RAF1: variants seen among roughly 807,000 people sequenced by gnomAD.
RAF1 encodes the protein Raf-1 proto-oncogene, serine/threonine kinase.
A neutral mutation model predicts 81.1 loss-of-function variants in RAF1; 27 were observed. That is an observed-to-expected ratio of 0.33 (90% CI 0.25 to 0.46). The LOEUF is 0.46. Ranked by LOEUF, RAF1 falls within the 20% of genes least tolerant of loss-of-function variation. The probability of loss-of-function intolerance (pLI) is 1.00; values close to 1 mark genes in which losing one functional copy is unlikely to be tolerated. For synonymous variants in RAF1, 298 were observed against 294.0 expected, an observed-to-expected ratio of 1.01 and a Z score of -0.14; for missense variants, 598 against 826.0, an observed-to-expected ratio of 0.72 and a Z score of 3.38.
At chr3:12,615,090 T>A (rs990240100) in intron 2 of RAF1, among the ~76,000 whole-genome samples, 8 of 152,224 alleles carry the variant, frequency 5.3e-5, no homozygotes, top group Non-Finnish European at 8.8e-5. Context: ...TCCATCTACC[T>A]GTCCAACACA....
At chr3:12,590,718 A>C in intron 13 of RAF1, 80 bp downstream of exon 12, 5 of 1,456,168 alleles carry the variant, frequency 3.4e-6, no homozygotes, top group African/African-American at 2.8e-5. Flanking sequence ...ATGGACTAGA[A>C]GGCTTTTCCT....
At chr3:12,600,073 A>C in intron 10 of RAF1, 79 bp downstream of exon 9, 1 of 1,574,160 alleles carries the variant, frequency 6.4e-7, no homozygotes, top group Non-Finnish European at 8.7e-7. Context: ...CTCCCAAAAT[A>C]AGTTTAAGTA....
chr3:12,587,837 CTTT>C lies in RAF1; in HGVS notation c.1431-203_1431-201del, dbSNP rs374515740. ...GGCCACAGCACAAACATGCTTACAC[CTTT>C]TTTTTTTTTTTTTTGGAGACTGGAG... is the stretch of plus-strand genomic sequence containing the variant. On this transcript the variant is annotated intron_variant, in intron 13 of 17. Transcript: ENST00000442415. The C allele has an allele frequency of 0.021, 4,090 of 193,598 alleles. 93 individuals carry two copies. The highest frequency in any genetic ancestry group is 0.062 in the African/African-American group (1,926 of 31,282). The allele number at this position is 193,598 out of a possible 1,614,324, so 12.0% of individuals were successfully genotyped here. A position where few individuals can be genotyped will look rare whatever the true frequency, so the allele number is the denominator to read the frequency against.
chr3:12,606,866 T>C (rs1219835949), intron 5 of RAF1, among the ~76,000 whole-genome samples: 6 of 152,158 alleles, frequency 3.9e-5, no homozygotes, highest in African/African-American at 1.4e-4. Flanking sequence ...AATTTTTGTA[T>C]TTTTAGCAGA....
intron 3 of RAF1, 54 bp from the exon 4 acceptor site, chr3:12,609,389 A>G (rs765859822): frequency 1.2e-5 from 14 of 1,195,216 alleles, no homozygotes; most frequent in Non-Finnish European, 1.8e-5. Flanking sequence ...AAAGTTCAAT[A>G]GAAATAACAA....
At chr3:12,591,411 G>A (rs2058511189) in intron 12 of RAF1, among the ~76,000 whole-genome samples, 1 of 152,156 alleles carries the variant, frequency 6.6e-6, no homozygotes, top group South Asian at 2.1e-4. Flanking sequence ...GGTAAAAATA[G>A]GGCCTATTTC....
chr3:12,593,998 G>A (rs1559412181), intron 11 of RAF1, among the ~76,000 whole-genome samples: 1 of 152,016 alleles, frequency 6.6e-6, no homozygotes, highest in Non-Finnish European at 1.5e-5. Flanking sequence ...TAGTAAATAG[G>A]ACAGAGAATG....
intron 1 of RAF1, among the ~76,000 whole-genome samples, chr3:12,637,645 G>C (rs2060070123): frequency 6.6e-6 from 1 of 151,826 alleles, no homozygotes; most frequent in Non-Finnish European, 1.5e-5. Context: ...TGAGGTCAGG[G>C]AGTTCGAGAC....
At chr3:12,597,060 G>A (rs1417281426) in intron 11 of RAF1, among the ~76,000 whole-genome samples, 2 of 151,910 alleles carry the variant, frequency 1.3e-5, no homozygotes, top group Non-Finnish European at 2.9e-5. Flanking sequence ...CCCCACGCCC[G>A]GCTAATTTGT....
chr3:12,649,945 G>A (rs1486683249), intron 1 of RAF1, among the ~76,000 whole-genome samples: 2 of 151,920 alleles, frequency 1.3e-5, no homozygotes, highest in African/African-American at 2.4e-5. Flanking sequence ...AGGAGTTCGC[G>A]ACCAGTCTGG....
intron 1 of RAF1, among the ~76,000 whole-genome samples, chr3:12,654,640 C>T (rs1265991571): frequency 3.4e-5 from 5 of 148,662 alleles, no homozygotes; most frequent in African/African-American, 4.9e-5. Context: ...AAAGTAACTA[C>T]AACTGTGTGT....
rs887620240 is a variant in RAF1 at position 12,584,109 on chromosome 3, C to A, written c.*405G>T. 3.0e-6 allele frequency: 1 copy of A among 328,602 alleles called. No homozygotes were observed. Among genetic ancestry groups the A allele is most frequent in the Non-Finnish European group, 5.8e-6 (1 of 173,272 alleles). The allele number at this position is 328,602 out of a possible 1,614,324, so 20.4% of individuals were successfully genotyped here. On this transcript the variant is annotated 3_prime_UTR_variant, in exon 18 of 18. Transcript: ENST00000442415. Reference sequence around the variant, plus strand: ...AGTCCCGCCTGTGACATGCATTCCTCCAGAAGCTGATTTCCAAAATCCCAT... The same window carrying A: ...AGTCCCGCCTGTGACATGCATTCCTACAGAAGCTGATTTCCAAAATCCCAT...
intron 1 of RAF1, among the ~76,000 whole-genome samples, chr3:12,640,667 C>T (rs940082020): frequency 1.3e-5 from 2 of 152,154 alleles, no homozygotes; most frequent in Admixed American, 6.5e-5. Flanking sequence ...CAATGACATA[C>T]CATCTCACAC....
chr3:12,661,714 AAAC>A (rs776100752), intron 1 of RAF1, among the ~76,000 whole-genome samples: 10 of 152,106 alleles, frequency 6.6e-5, no homozygotes, highest in Non-Finnish European at 1.2e-4. Flanking sequence ...AAAAAATAAA[AAAC>A]AATAGAATAA....
chr3:12,628,013 G>A (rs528189948), intron 1 of RAF1, among the ~76,000 whole-genome samples: 6 of 152,300 alleles, frequency 3.9e-5, no homozygotes, highest in South Asian at 2.1e-4. Context: ...CCAGCTACTC[G>A]GGAGGCTGAG....
intron 1 of RAF1, among the ~76,000 whole-genome samples, chr3:12,662,109 A>C (rs1371605132): frequency 6.6e-6 from 1 of 151,794 alleles, no homozygotes; most frequent in African/African-American, 2.4e-5. Flanking sequence ...TGGAAGCAGG[A>C]GGATCGCCTG....
At chr3:12,613,910 G>A (rs1181245593) in intron 2 of RAF1, among the ~76,000 whole-genome samples, 3 of 152,178 alleles carry the variant, frequency 2.0e-5, no homozygotes, top group South Asian at 4.1e-4. Context: ...CAGATTAGTC[G>A]AGAAGGTGAT....
chr3:12,654,352 A>T (rs1347562359), intron 1 of RAF1, among the ~76,000 whole-genome samples: 1 of 151,924 alleles, frequency 6.6e-6, no homozygotes, highest in Admixed American at 6.5e-5. Flanking sequence ...CTATAATCCC[A>T]GCATTTTGGG....
chr3:12,627,588 C>T (rs903537522), intron 1 of RAF1, among the ~76,000 whole-genome samples: 1 of 152,138 alleles, frequency 6.6e-6, no homozygotes, highest in Non-Finnish European at 1.5e-5. Flanking sequence ...TTTATATAAA[C>T]TTCTCTACAA....
Sources: allele counts gnomAD v4.1 joint callset (sites outside exome capture counted in the v4.1 genomes callset), GRCh38; gene constraint gnomAD v4.1.1; transcripts MANE v1.5; gene names NCBI Gene and HGNC (gene_info 2026-07-23, HGNC 2026-07-21).